The following SLC44A1 variants were observed in gnomAD, a reference collection of about 807,000 sequenced individuals.
SLC44A1 encodes the protein choline transporter-like protein 1.
In SLC44A1, 26 loss-of-function variants were observed where a neutral mutation model predicts 79.3. The observed-to-expected ratio is 0.33, with a 90% confidence interval of 0.24 to 0.46. The LOEUF is 0.46. SLC44A1 is among the 20% of genes least tolerant of loss of function. The pLI is 1.00. For synonymous variants in SLC44A1, 263 were observed against 286.2 expected (o/e 0.92, Z 0.82); for missense variants, 688 against 798.1 (o/e 0.86, Z 1.66).
chr9:105,334,992 C>T (rs977924268), intron 3 of SLC44A1, among the ~76,000 whole-genome samples: 1 of 152,124 alleles, frequency 6.6e-6, no homozygotes, highest in Admixed American at 6.6e-5. Flanking sequence ...TTTATTTTAA[C>T]ACCCAGCGAT....
chr9:105,357,860 A>G (rs1470557612), intron 6 of SLC44A1, among the ~76,000 whole-genome samples: 1 of 152,222 alleles, frequency 6.6e-6, no homozygotes, highest in Non-Finnish European at 1.5e-5. Context: ...ATAAGATGCC[A>G]TTTAGCTTCT....
At chr9:105,304,944 GTTTTTTTTTTTTTTTTTTTTTTTTTT>G (rs10589897) in intron 2 of SLC44A1, among the ~76,000 whole-genome samples, 2 of 20,078 alleles carry the variant, frequency 1.0e-4, no homozygotes, top group African/African-American at 2.7e-4. Flanking sequence ...ACTTTCTATC[GTTTTTTTTTTTTTTTTTTTTTTTTTT>G]TTTTTTTTTT....
Position 105,258,501 on chromosome 9 carries a change from C to G in SLC44A1, c.36+13597C>G, listed in dbSNP as rs934333881. On this transcript the variant is annotated intron_variant, in intron 1 of 15. Transcript: ENST00000374720. ...AGGAGGAAACAGAAACTCAGAAAGG[C>G]TAGGTACCTTGACTAGGATCGCCCA... Among the ~76,000 whole-genome samples the G allele has an allele frequency of 7.2e-5, 11 of 152,298 alleles. No individual in the cohort carries two copies. In the East Asian group the frequency reaches 9.6e-4, roughly 13 times the overall value.
chr9:105,293,011 A>G (rs1052803575), intron 1 of SLC44A1, among the ~76,000 whole-genome samples: 18 of 152,070 alleles, frequency 1.2e-4, no homozygotes, highest in African/African-American at 4.1e-4. Flanking sequence ...AAAAAAATTA[A>G]CAGAGCATGG....
chr9:105,324,512 C>G (rs1826509903), intron 3 of SLC44A1, among the ~76,000 whole-genome samples: 1 of 152,070 alleles, frequency 6.6e-6, no homozygotes, highest in Non-Finnish European at 1.5e-5. Flanking sequence ...CTCGGCCTCC[C>G]AAAGTGCTGG....
intron 4 of SLC44A1, among the ~76,000 whole-genome samples, chr9:105,344,712 A>G (rs1052329334): frequency 1.3e-5 from 2 of 152,198 alleles, no homozygotes; most frequent in African/African-American, 4.8e-5. Context: ...CAGGAAATAT[A>G]GGTTCCAGAC....
At chr9:105,367,889 C>A (rs1011966935) in intron 12 of SLC44A1, among the ~76,000 whole-genome samples, 79 of 152,264 alleles carry the variant, frequency 5.2e-4, no homozygotes, top group African/African-American at 1.8e-3. Context: ...ACTTCTAGCT[C>A]CTTTAAAGTT....
In SLC44A1 at chr9:105,389,605, A is replaced by G; in HGVS notation, c.*549A>G. On this transcript the variant is annotated 3_prime_UTR_variant, in exon 16 of 16. Transcript: ENST00000374720. ...AGAAGCCATGTCATTTTACTTTTAG[A>G]AACATACAATTGGGCCCAATATGGG... The G allele has an allele frequency of 8.6e-7, 1 of 1,164,630 alleles. No individual in the cohort carries two copies. The highest frequency in any genetic ancestry group is 1.1e-6 in the Non-Finnish European group (1 of 945,164). The allele number at this position is 1,164,630 out of a possible 1,614,324, so 72.1% of individuals were successfully genotyped here.
intron 15 of SLC44A1, among the ~76,000 whole-genome samples, chr9:105,408,508 C>T (rs992709259): frequency 1.3e-5 from 2 of 152,086 alleles, no homozygotes; most frequent in Non-Finnish European, 2.9e-5. Flanking sequence ...CTCCTGGGTT[C>T]AAGTGATTCT....
intron 1 of SLC44A1, among the ~76,000 whole-genome samples, chr9:105,252,582 G>A (rs533474521): frequency 6.6e-6 from 1 of 152,194 alleles, no homozygotes; most frequent in Non-Finnish European, 1.5e-5. Context: ...ACTGGGTCAA[G>A]GTGGACAGGA....
Position 105,299,260 on chromosome 9 carries a change from G to A in SLC44A1, c.77G>A (p.Cys26Tyr), listed in dbSNP as rs767683656. ...TGGAAGCCGCTGGAGGACCGTAGCT[G>A]CACAGACATACCATGGCTGCTGCTC... ...REWKPLEDRS[C>Y]TDIPWLLLFI... The change falls in exon 2 of 16, where the codon TGC becomes TAC. Residue 26 changes from cysteine to tyrosine, a missense_variant. Cys to Tyr is a radical substitution (Grantham distance 194). Transcript: ENST00000374720. The A allele has an allele frequency of 5.0e-6, 8 of 1,595,774 alleles. No individual in the cohort carries two copies. In the African/African-American group the frequency reaches 5.4e-5, roughly 11 times the overall value.
At chr9:105,249,850 A>C (rs1829541696) in intron 1 of SLC44A1, among the ~76,000 whole-genome samples, 1 of 151,208 alleles carries the variant, frequency 6.6e-6, no homozygotes, top group East Asian at 1.9e-4. Flanking sequence ...CCAAATCTTA[A>C]ATTGCAGTTT....
chr9:105,309,470 T>C (rs556440436), intron 2 of SLC44A1, among the ~76,000 whole-genome samples: 1 of 152,306 alleles, frequency 6.6e-6, no homozygotes, highest in East Asian at 1.9e-4. Flanking sequence ...TTATTATTAT[T>C]ATAAAATTCA....
chr9:105,335,834 AT>A, intron 4 of SLC44A1, 135 bp downstream of exon 4: 1 of 868,772 alleles, frequency 1.2e-6, no homozygotes, highest in East Asian at 2.8e-5. Flanking sequence ...TTGCTAAAAA[AT>A]ATTATAGTCA....
At chr9:105,262,720 G>A (rs1453433505) in intron 1 of SLC44A1, among the ~76,000 whole-genome samples, 1 of 152,110 alleles carries the variant, frequency 6.6e-6, no homozygotes, top group Non-Finnish European at 1.5e-5. Flanking sequence ...GTGTTCCATG[G>A]CCATGGACTA....
At chr9:105,275,379 C>G (rs1830175614) in intron 1 of SLC44A1, among the ~76,000 whole-genome samples, 1 of 152,168 alleles carries the variant, frequency 6.6e-6, no homozygotes, top group Non-Finnish European at 1.5e-5. Context: ...GTAAATTCAT[C>G]TTCAGAATGT....
At chr9:105,345,974 A>G (rs1387793234) in intron 4 of SLC44A1, among the ~76,000 whole-genome samples, 1 of 147,768 alleles carries the variant, frequency 6.8e-6, no homozygotes, top group Non-Finnish European at 1.5e-5. Context: ...TGTGCTAAGT[A>G]TTTTTTATAC....
Position 105,348,207 on chromosome 9 carries a change from A to T in SLC44A1, c.407-151A>T, listed in dbSNP as rs1271569545. 1.4e-5 allele frequency: 7 copies of T among 512,272 alleles called. No individual in the cohort carries two copies. The Admixed American group carries it at 2.5e-4, about 18-fold the overall frequency. The allele number at this position is 512,272 out of a possible 1,614,324, so 31.7% of individuals were successfully genotyped here. A position where few individuals can be genotyped will look rare whatever the true frequency, so the allele number is the denominator to read the frequency against. On this transcript the variant is annotated intron_variant, in intron 4 of 15. Transcript: ENST00000374720. The stretch of plus-strand genomic sequence containing the variant: ...TTTAGAGAAGAATCAGTTTTAAATG[A>T]TTGAGGACTTATAATATGGATCAAA...
chr9:105,269,762 AG>A (rs558041251), intron 1 of SLC44A1, among the ~76,000 whole-genome samples: 113 of 152,308 alleles, frequency 7.4e-4, no homozygotes, highest in African/African-American at 2.7e-3. Flanking sequence ...GGTTACTGAC[AG>A]CTGCCAGCAG....
Sources: gnomAD v4.1 joint callset for allele counts (sites outside exome capture counted in the v4.1 genomes callset) on GRCh38, gnomAD v4.1.1 for gene constraint, MANE v1.5 for transcripts, NCBI Gene and HGNC (gene_info 2026-07-23, HGNC 2026-07-21) for gene names.